Variants in CELF4 observed in about 807,000 individuals in gnomAD.
CELF4 encodes the protein CUG-BP- and ETR-3-like factor 4.
Under a neutral mutation model 59.9 loss-of-function variants are expected in CELF4, and 18 were observed. The ratio of observed to expected loss-of-function variants is 0.30; its 90% confidence interval spans 0.21 to 0.45. The LOEUF is 0.45. Among genes scored for constraint, CELF4 ranks in the 20% least tolerant of loss-of-function variants. CELF4 has a pLI of 1.00. For missense variants in CELF4, 456 were observed against 689.0 expected, an observed-to-expected ratio of 0.66 and a Z score of 3.79; for synonymous variants, 261 against 267.1, an observed-to-expected ratio of 0.98 and a Z score of 0.22.
intron 3 of CELF4, among the ~76,000 whole-genome samples, chr18:37,296,205 G>C (rs562465191): frequency 6.6e-6 from 1 of 152,278 alleles, no homozygotes; most frequent in African/African-American, 2.4e-5. Flanking sequence ...ACCCAGGCTG[G>C]AGTGCAGTGG....
chr18:37,409,708 C>T (rs1431069954), intron 2 of CELF4, among the ~76,000 whole-genome samples: 1 of 151,940 alleles, frequency 6.6e-6, no homozygotes, highest in Non-Finnish European at 1.5e-5. Flanking sequence ...GGAGGGGGAG[C>T]TGAGGGACAT....
intron 3 of CELF4, among the ~76,000 whole-genome samples, chr18:37,298,356 G>C (rs2154441871): frequency 6.6e-6 from 1 of 152,334 alleles, no homozygotes; most frequent in East Asian, 1.9e-4. Flanking sequence ...CCACACAGCA[G>C]TCAGAATGAG....
At chr18:37,283,967 GACACACACCCATCTCACAT>G (rs2154393591) in intron 3 of CELF4, among the ~76,000 whole-genome samples, 4 of 380 alleles carry the variant, frequency 0.011, no homozygotes, top group Non-Finnish European at 0.019. Context: ...TACATACATA[GACACACACCCATCTCACAT>G]CCCAACACAC....
At chr18:37,259,689 G>A (rs916395880) in intron 10 of CELF4, among the ~76,000 whole-genome samples, 2 of 152,156 alleles carry the variant, frequency 1.3e-5, no homozygotes, top group Non-Finnish European at 2.9e-5. Context: ...CCCTGGGGCA[G>A]CCAAGTCCTG....
intron 2 of CELF4, among the ~76,000 whole-genome samples, chr18:37,397,188 G>A (rs1484053843): frequency 2.0e-5 from 3 of 152,206 alleles, no homozygotes; most frequent in Non-Finnish European, 4.4e-5. Context: ...CAGCTGTTCA[G>A]TGCTTGGTTC....
intron 8 of CELF4, 30 bp from the exon 9 acceptor site, chr18:37,266,628 C>T: frequency 6.5e-7 from 1 of 1,542,144 alleles, no homozygotes; most frequent in South Asian, 1.2e-5. Flanking sequence ...CAGAGGTCAG[C>T]AGTGCCCACC....
At chr18:37,288,650 G>A (rs2095050563) in intron 3 of CELF4, among the ~76,000 whole-genome samples, 1 of 152,172 alleles carries the variant, frequency 6.6e-6, no homozygotes, top group African/African-American at 2.4e-5. Flanking sequence ...CCAGAGGATG[G>A]TCATGAGGCC....
Position 37,504,971 on chromosome 18 carries a change from G to A in CELF4, c.287-19364C>T, listed in dbSNP as rs558037306. Among the ~76,000 whole-genome samples, 32 of 152,344 alleles carry A rather than the reference G, an allele frequency of 2.1e-4. No homozygotes were observed. In the South Asian group the frequency reaches 3.5e-3, roughly 17 times the overall value. ...GACCACCAGGCCTGGGCCAGAGCAC[G>A]GGAAGGCCAAGAGGAGTCCTAGGGC... On this transcript the variant is annotated intron_variant, in intron 1 of 12. Coordinates refer to ENST00000420428, the MANE Select transcript of CELF4 (RefSeq NM_020180.4).
chr18:37,503,264 C>T (rs976671059), intron 1 of CELF4, among the ~76,000 whole-genome samples: 4 of 152,224 alleles, frequency 2.6e-5, no homozygotes, highest in South Asian at 2.1e-4. Flanking sequence ...CAGGGCTCTG[C>T]GCTCAGCCCC....
At chr18:37,544,047 G>C (rs190158462) in intron 1 of CELF4, among the ~76,000 whole-genome samples, 60 of 152,296 alleles carry the variant, frequency 3.9e-4, no homozygotes, top group Non-Finnish European at 5.7e-4. Context: ...GGAATAGCCT[G>C]AGCAGAGGTG....
chr18:37,392,002 AG>A (rs1316481343), intron 2 of CELF4, among the ~76,000 whole-genome samples: 1 of 152,208 alleles, frequency 6.6e-6, no homozygotes, highest in Non-Finnish European at 1.5e-5. Context: ...TGAGAACCAG[AG>A]GGGTAAACCA....
At chr18:37,538,680 C>G (rs1200596343) in intron 1 of CELF4, among the ~76,000 whole-genome samples, 1 of 152,166 alleles carries the variant, frequency 6.6e-6, no homozygotes, top group African/African-American at 2.4e-5. Flanking sequence ...GGTCTCATTC[C>G]CAGGTGAGAC....
At position 37,373,132 on chromosome 18, in the gene CELF4, C is replaced by T. The variant is rs16968838; in HGVS notation, c.370-51251G>A. On this transcript the variant is annotated intron_variant, in intron 2 of 12. Coordinates refer to ENST00000420428, the MANE Select transcript of CELF4 (RefSeq NM_020180.4). The stretch of plus-strand genomic sequence containing the variant: ...CCAGAGAGACTGAGGCTGGAGTGGA[C>T]GCCGCCCTGGTGAGTGGTGGCAGAG... Among the ~76,000 whole-genome samples the T allele has an allele frequency of 5.0e-3, 762 of 152,342 alleles. 4 individuals carry two copies. Among genetic ancestry groups the T allele is most frequent in the African/African-American group, 0.018 (728 of 41,576 alleles).
intron 2 of CELF4, among the ~76,000 whole-genome samples, chr18:37,367,332 G>A (rs1019317112): frequency 1.8e-4 from 28 of 152,018 alleles, no homozygotes; most frequent in Non-Finnish European, 1.3e-4. Context: ...AGGCAGACAC[G>A]GGGGAGTGGG....
chr18:37,298,457 C>T (rs934356645), intron 3 of CELF4, among the ~76,000 whole-genome samples: 14 of 152,168 alleles, frequency 9.2e-5, no homozygotes, highest in Admixed American at 7.9e-4. Context: ...CGGTGGCTCA[C>T]ACCTGTAATC....
rs150803090 is a variant in CELF4 at position 37,422,886 on chromosome 18, C to T, written c.369+62639G>A. Reference sequence around the variant, plus strand: ...GCAGAAATGACCCATGAATGCTTCTCGCTTCTGCCATGAGCACAACGCAAA... The same window carrying T: ...GCAGAAATGACCCATGAATGCTTCTTGCTTCTGCCATGAGCACAACGCAAA... On this transcript the variant is annotated intron_variant, in intron 2 of 12. Transcript: ENST00000420428. Among the ~76,000 whole-genome samples, 215 of 152,320 alleles carry T rather than the reference C, an allele frequency of 1.4e-3. 2 individuals are homozygous for T. The East Asian group carries it at 0.034, about 24-fold the overall frequency.
intron 2 of CELF4, among the ~76,000 whole-genome samples, chr18:37,432,191 C>T (rs750898323): frequency 2.6e-5 from 4 of 152,224 alleles, no homozygotes; most frequent in Non-Finnish European, 5.9e-5. Flanking sequence ...GCACTGATGG[C>T]CTCTGCCCCT....
intron 2 of CELF4, among the ~76,000 whole-genome samples, chr18:37,427,058 ACCCTGGGT>A (rs2099618906): frequency 6.9e-6 from 1 of 145,424 alleles, no homozygotes; most frequent in Non-Finnish European, 1.5e-5. Context: ...GAAGCTGGGC[ACCCTGGGT>A]GAAGCCCACC....
At chr18:37,264,957 G>T (rs555403065) in intron 9 of CELF4, among the ~76,000 whole-genome samples, 200 bp from the exon 10 acceptor site, 121 of 151,878 alleles carry the variant, frequency 8.0e-4, no homozygotes, top group Non-Finnish European at 1.4e-3. Context: ...TGGGTGTGTG[G>T]GTGTGTGTAC....
Sources: gnomAD v4.1 joint callset for allele counts (sites outside exome capture counted in the v4.1 genomes callset) on GRCh38, gnomAD v4.1.1 for gene constraint, MANE v1.5 for transcripts, NCBI Gene and HGNC (gene_info 2026-07-23, HGNC 2026-07-21) for gene names.